Variants in ZFR observed in about 807,000 individuals in gnomAD.
ZFR encodes the protein zinc finger RNA-binding protein.
A neutral mutation model predicts 130.7 loss-of-function variants in ZFR; 19 were observed. The ratio of observed to expected loss-of-function variants is 0.15; its 90% confidence interval spans 0.10 to 0.21. The LOEUF (loss-of-function observed/expected upper bound fraction) is 0.21. Among genes scored for constraint, ZFR ranks in the 10% least tolerant of loss-of-function variants. The pLI is 1.00. For missense variants in ZFR, 872 were observed against 1,321.5 expected, an observed-to-expected ratio of 0.66 and a Z score of 5.27; for synonymous variants, 466 against 456.9, an observed-to-expected ratio of 1.02 and a Z score of -0.25.
chr5:32,373,726 T>C (rs776138921), intron 17 of ZFR, among the ~76,000 whole-genome samples: 4 of 152,100 alleles, frequency 2.6e-5, no homozygotes, highest in South Asian at 2.1e-4. Flanking sequence ...AATACAATAC[T>C]AGGAGCGAAT....
chr5:32,393,038 T>A (rs1753217571), intron 11 of ZFR, among the ~76,000 whole-genome samples: 5 of 152,214 alleles, frequency 3.3e-5, no homozygotes, highest in African/African-American at 9.6e-5. Flanking sequence ...GACACTTACT[T>A]GCTCTTTCAT....
At chr5:32,367,495 A>C (rs371552624) in intron 17 of ZFR, among the ~76,000 whole-genome samples, 1 of 151,664 alleles carries the variant, frequency 6.6e-6, no homozygotes, top group Non-Finnish European at 1.5e-5. Context: ...TAAATAACTC[A>C]CTGTAGCCTT....
At chr5:32,393,183 A>G (rs1265406688) in intron 11 of ZFR, among the ~76,000 whole-genome samples, 2 of 152,216 alleles carry the variant, frequency 1.3e-5, no homozygotes, top group African/African-American at 2.4e-5. Flanking sequence ...GTAAAATAGC[A>G]TAACTTTTCC....
intron 17 of ZFR, among the ~76,000 whole-genome samples, chr5:32,370,318 A>AGAGG (rs1196363430): frequency 9.1e-5 from 1 of 10,990 alleles, no homozygotes; most frequent in East Asian, 1.1e-3. Flanking sequence ...GGGGAGAGAG[A>AGAGG]GAGAGAGAGA....
chr5:32,377,212 CTT>C (rs1752840062), intron 17 of ZFR, among the ~76,000 whole-genome samples: 2 of 131,712 alleles, frequency 1.5e-5, no homozygotes, highest in African/African-American at 2.5e-5. Flanking sequence ...CTTTATTTCT[CTT>C]TCTCTCTCTC....
At chr5:32,401,888 G>A (rs1179490459) in intron 8 of ZFR, among the ~76,000 whole-genome samples, 6 of 152,212 alleles carry the variant, frequency 3.9e-5, no homozygotes, top group Non-Finnish European at 7.4e-5. Flanking sequence ...TAGGTAAACA[G>A]CTGGAGAAGG....
rs79638419 is a variant in ZFR, at chr5:32,382,684, A to T, written c.2642-2512T>A. ...GAGTGCAATGGCATGATCTCGGCTC[A>T]CTGCAACCTACACCTTCTGGGTTCA... On this transcript the variant is annotated intron_variant, in intron 15 of 19. Coordinates refer to ENST00000265069, the MANE Select transcript of ZFR (RefSeq NM_016107.5). Among the ~76,000 whole-genome samples, 1,028 of 152,138 alleles carry T rather than the reference A, an allele frequency of 6.8e-3. 15 individuals are homozygous for T. Among genetic ancestry groups the T allele is most frequent in the African/African-American group, 0.024 (976 of 41,508 alleles).
intron 6 of ZFR, among the ~76,000 whole-genome samples, chr5:32,405,085 C>G (rs1288059269): frequency 1.3e-5 from 2 of 152,170 alleles, no homozygotes; most frequent in African/African-American, 4.8e-5. Context: ...TGTAAACTGA[C>G]AAATAATTAG....
chr5:32,418,928 T>C (rs1225228759), intron 3 of ZFR, among the ~76,000 whole-genome samples: 4 of 152,162 alleles, frequency 2.6e-5, no homozygotes, highest in Non-Finnish European at 4.4e-5. Flanking sequence ...AAGGAGAATG[T>C]AGAATTCCTA....
rs201148073 is a variant in ZFR, at chr5:32,425,630, AG to A, written c.138-5528del. 7.7e-3 allele frequency among the ~76,000 whole-genome samples: 1,173 copies of A among 152,270 alleles called. 15 individuals are homozygous for A. The highest frequency in any genetic ancestry group is 0.027 in the African/African-American group (1,108 of 41,550). ...GCAACCTCCGCCTCCTAGGTCAAGC[AG>A]TTTTCCCTGCCTCAGCCACCCGAGT... On this transcript the variant is annotated intron_variant, in intron 2 of 19. Coordinates refer to ENST00000265069, the MANE Select transcript of ZFR (RefSeq NM_016107.5).
At chr5:32,439,094 A>G (rs569954692) in intron 2 of ZFR, among the ~76,000 whole-genome samples, 9 of 152,352 alleles carry the variant, frequency 5.9e-5, no homozygotes, top group African/African-American at 2.2e-4. Flanking sequence ...TATTAAGACT[A>G]ATAGCCATTT....
At chr5:32,437,007 T>C (rs1053198781) in intron 2 of ZFR, among the ~76,000 whole-genome samples, 7 of 152,212 alleles carry the variant, frequency 4.6e-5, no homozygotes, top group African/African-American at 1.2e-4. Context: ...CAAGGTCACA[T>C]GGCAGGTAAT....
chr5:32,435,899 T>C (rs1033010), intron 2 of ZFR, among the ~76,000 whole-genome samples: 1,783 of 152,288 alleles, frequency 0.012, 33 homozygotes, highest in African/African-American at 0.041. Flanking sequence ...AAGCAAAATT[T>C]TATGCTATTT....
chr5:32,361,451 A>C (rs756352830), intron 19 of ZFR, among the ~76,000 whole-genome samples: 5 of 152,216 alleles, frequency 3.3e-5, no homozygotes, highest in Non-Finnish European at 7.3e-5. Context: ...TATCATCATA[A>C]TATACTAATT....
In ZFR at chr5:32,388,657, G is replaced by A; in HGVS notation, c.2160C>T (p.Asp720=). 6.2e-7 allele frequency: 1 copy of A among 1,613,644 alleles called. No individual in the cohort carries two copies. The highest frequency in any genetic ancestry group is 8.5e-7 in the Non-Finnish European group (1 of 1,179,710). The change falls in exon 13 of 20, where the codon GAC becomes GAT. Residue 720 remains aspartate, a synonymous_variant. Coordinates refer to ENST00000265069, the MANE Select transcript of ZFR (RefSeq NM_016107.5). ...TCATTACATAACGGTCATCAGATGA[G>A]TCAGGACGACGTAAGGGCTACAGAG... The part of the protein sequence containing the change: ...PQGPAPLRRP[D]SSDDRYVMTK...
At chr5:32,369,658 A>G (rs1191240108) in intron 17 of ZFR, among the ~76,000 whole-genome samples, 1 of 152,026 alleles carries the variant, frequency 6.6e-6, no homozygotes, top group Non-Finnish European at 1.5e-5. Context: ...ATTAAAAAAA[A>G]AAATGTAACC....
chr5:32,385,455 G>T, intron 15 of ZFR, 53 bp downstream of exon 15: 1 of 1,595,970 alleles, frequency 6.3e-7, no homozygotes, highest in East Asian at 2.2e-5. Flanking sequence ...TTAAAGAGTA[G>T]ATAAATGAAA....
chr5:32,411,327 CAG>C (rs1753703059), intron 5 of ZFR, among the ~76,000 whole-genome samples: 1 of 152,130 alleles, frequency 6.6e-6, no homozygotes, highest in Admixed American at 6.5e-5. Flanking sequence ...ATGAGAGTAA[CAG>C]ATTATAATAT....
intron 2 of ZFR, among the ~76,000 whole-genome samples, chr5:32,423,880 A>T (rs950582305): frequency 6.6e-6 from 1 of 152,260 alleles, no homozygotes; most frequent in Non-Finnish European, 1.5e-5. Context: ...ATTATCTTCA[A>T]AATTCAAGGG....
Sources: allele counts gnomAD v4.1 joint callset (sites outside exome capture counted in the v4.1 genomes callset), GRCh38; gene constraint gnomAD v4.1.1; transcripts MANE v1.5; gene names NCBI Gene and HGNC (gene_info 2026-07-23, HGNC 2026-07-21).